DST: variants seen among roughly 807,000 people sequenced by gnomAD.
The protein encoded by DST is dystonin, also known as bullous pemphigoid antigen.
In DST, 253 loss-of-function variants were observed where a neutral mutation model predicts 875.2. That is an observed-to-expected ratio of 0.29 (90% CI 0.26 to 0.32). The LOEUF (loss-of-function observed/expected upper bound fraction) is 0.32, where lower values mean the gene tolerates loss of function less well. Among genes scored for constraint, DST ranks in the 10% least tolerant of loss-of-function variants. DST has a pLI of 1.00. For missense variants in DST, 8,287 were observed against 9,111.6 expected, an observed-to-expected ratio of 0.91 and a Z score of 3.68; for synonymous variants, 3,124 against 3,197.1, an observed-to-expected ratio of 0.98 and a Z score of 0.77.
chr6:56,781,229 T>A (rs2099693061), intron 4 of DST, among the ~76,000 whole-genome samples: 1 of 152,164 alleles, frequency 6.6e-6, no homozygotes, highest in Non-Finnish European at 1.5e-5. Flanking sequence ...CCATATGAAC[T>A]TTAAAGTAGT....
At chr6:56,711,984 G>GGGA (rs1184880235) in intron 5 of DST, among the ~76,000 whole-genome samples, 2 of 148,996 alleles carry the variant, frequency 1.3e-5, no homozygotes, top group Non-Finnish European at 3.0e-5. Context: ...CCAGCTACTC[G>GGGA]GGAGGCTGAG....
Position 56,954,666 on chromosome 6 carries a change from G to C in DST, c.-79C>G, listed in dbSNP as rs1048229564. ...GGCACCCGCGCTGGGCGCACGCCGG[G>C]ACGGCGGGCACGGGTGAGCGCGGCT... On this transcript the variant is annotated 5_prime_UTR_variant, in exon 1 of 104. Transcript: ENST00000680361. The C allele has an allele frequency of 2.9e-6, 3 of 1,030,956 alleles. No individual in the cohort carries two copies. Among genetic ancestry groups the C allele is most frequent in the Non-Finnish European group, 3.6e-6 (3 of 826,750 alleles). The allele number at this position is 1,030,956 out of a possible 1,614,324, so 63.9% of individuals were successfully genotyped here.
At chr6:56,614,881 A>G in intron 36 of DST, 1 of 993,674 alleles carries the variant, frequency 1.0e-6, no homozygotes, top group Non-Finnish European at 1.2e-6. Flanking sequence ...TCTACTGTAC[A>G]TGTAAGGAAA....
At chr6:56,486,880 G>C (rs112911491) in intron 87 of DST, among the ~76,000 whole-genome samples, 198 of 152,272 alleles carry the variant, frequency 1.3e-3, no homozygotes, top group African/African-American at 4.4e-3. Context: ...GATGGCAGAA[G>C]CTTGGACAAT....
intron 3 of DST, among the ~76,000 whole-genome samples, chr6:56,867,623 C>T (rs766039443): frequency 2.6e-5 from 4 of 152,158 alleles, no homozygotes; most frequent in Non-Finnish European, 5.9e-5. Context: ...AGATCAAGAC[C>T]ATCCTGGCCA....
intron 32 of DST, 38 bp downstream of exon 32, chr6:56,629,212 T>G (rs781256431): frequency 1.9e-6 from 3 of 1,601,924 alleles, no homozygotes; most frequent in Non-Finnish European, 2.6e-6. Context: ...AGATAGACAT[T>G]AAATCTGTGC....
chr6:56,652,853 CT>C (rs955541326), intron 10 of DST, among the ~76,000 whole-genome samples: 1 of 152,126 alleles, frequency 6.6e-6, no homozygotes, highest in African/African-American at 2.4e-5. Flanking sequence ...CCATTGACAA[CT>C]ATGGAAGTAA....
Position 56,825,502 on chromosome 6 carries a change from TAAAAAAAAAA to T in DST, c.625+25885_625+25894del, listed in dbSNP as rs749148452. Among the ~76,000 whole-genome samples, 239 of 109,326 alleles carry T rather than the reference TAAAAAAAAAA, an allele frequency of 2.2e-3. 1 individual carries two copies. The highest frequency in any genetic ancestry group is 7.4e-3 in the African/African-American group (201 of 27,250). 71.7% of individuals were successfully genotyped at this position (109,326 alleles called of 152,430 possible). On this transcript the variant is annotated intron_variant, in intron 4 of 103. Coordinates refer to ENST00000680361, the MANE Select transcript of DST (RefSeq NM_001374736.1). The stretch of plus-strand genomic sequence containing the variant: ...ACACCCAAGAATGATCAATAAATAC[TAAAAAAAAAA>T]AAAAAAAAAAAAAATTTCTGTAGTT...
At chr6:56,467,809 CA>C (rs1196174815) in intron 98 of DST, among the ~76,000 whole-genome samples, 1 of 152,126 alleles carries the variant, frequency 6.6e-6, no homozygotes, top group Non-Finnish European at 1.5e-5. Flanking sequence ...GTAACCAAAT[CA>C]CAAGACAAGA....
At chr6:56,700,687 C>A (rs2099297123) in intron 8 of DST, among the ~76,000 whole-genome samples, 1 of 152,062 alleles carries the variant, frequency 6.6e-6, no homozygotes, top group African/African-American at 2.4e-5. Context: ...ACTTCCTGGA[C>A]AAAATCATTT....
At chr6:56,741,722 A>C (rs2099547418) in intron 4 of DST, among the ~76,000 whole-genome samples, 2 of 152,206 alleles carry the variant, frequency 1.3e-5, no homozygotes, top group Admixed American at 1.3e-4. Flanking sequence ...TCAGTTAGAG[A>C]TGTCTAACAC....
Position 56,746,642 on chromosome 6 carries a change from A to G in DST, c.626-11353T>C, listed in dbSNP as rs769293111. On this transcript the variant is annotated intron_variant, in intron 4 of 103. Transcript: ENST00000680361. ...TCATCAGTAGAAGAGAGTGGAAGCTATAAGGAGAGAGGTTGGTAGATGGTG... is the reference window on the plus strand; with the variant it reads ...TCATCAGTAGAAGAGAGTGGAAGCTGTAAGGAGAGAGGTTGGTAGATGGTG... 3.9e-5 allele frequency among the ~76,000 whole-genome samples: 6 copies of G among 152,178 alleles called. No individual in the cohort carries two copies. The East Asian group carries it at 5.8e-4, about 15-fold the overall frequency.
intron 10 of DST, among the ~76,000 whole-genome samples, chr6:56,666,316 G>A (rs934055500): frequency 6.6e-6 from 1 of 151,996 alleles, no homozygotes; most frequent in African/African-American, 2.4e-5. Flanking sequence ...AAAATGTGAA[G>A]GATGCTATTG....
At chr6:56,564,563 T>C (rs757659370) in intron 55 of DST, among the ~76,000 whole-genome samples, 25 of 152,210 alleles carry the variant, frequency 1.6e-4, no homozygotes, top group Non-Finnish European at 3.4e-4. Flanking sequence ...ATATCCTTTA[T>C]TACTTTCTCT....
At chr6:56,487,042 C>CA (rs1477184676) in intron 87 of DST, 62 bp downstream of exon 87, 41 of 1,535,504 alleles carry the variant, frequency 2.7e-5, no homozygotes, top group Admixed American at 1.4e-4. Flanking sequence ...CCGCAAAGCA[C>CA]CATTACTGTG....
rs200128416 is a variant in DST at position 56,802,127 on chromosome 6, G to GT, written c.625+49269dup. Reference sequence around the variant, plus strand: ...ATATCTACTACCATTTCTATTTTTTGTTTTTTCATTCATCTATTTAATTTT... The same window carrying GT: ...ATATCTACTACCATTTCTATTTTTTGTTTTTTTCATTCATCTATTTAATTTT... On this transcript the variant is annotated intron_variant, in intron 4 of 103. Coordinates refer to ENST00000680361, the MANE Select transcript of DST (RefSeq NM_001374736.1). 1.1e-4 allele frequency among the ~76,000 whole-genome samples: 17 copies of GT among 151,932 alleles called. No homozygotes were observed. The East Asian group carries it at 3.3e-3, about 29-fold the overall frequency.
At chr6:56,882,697 T>C (rs186791891) in intron 3 of DST, among the ~76,000 whole-genome samples, 1 of 152,368 alleles carries the variant, frequency 6.6e-6, no homozygotes, top group Admixed American at 6.5e-5. Context: ...ATATCTTGCA[T>C]TTTAGCCATC....
intron 93 of DST, among the ~76,000 whole-genome samples, chr6:56,473,338 C>T (rs1023597161): frequency 6.6e-6 from 1 of 152,144 alleles, no homozygotes; most frequent in African/African-American, 2.4e-5. Flanking sequence ...ACATATAACA[C>T]AAATTGTGTT....
In DST at chr6:56,637,119, C is replaced by A. The variant is rs191293444; in HGVS notation, c.2965-467G>T. Among the ~76,000 whole-genome samples, 1,476 of 149,986 alleles carry A rather than the reference C, an allele frequency of 9.8e-3. 24 individuals are homozygous for A. Among genetic ancestry groups the A allele is most frequent in the African/African-American group, 0.035 (1,394 of 40,138 alleles). On this transcript the variant is annotated intron_variant, in intron 22 of 103. Coordinates refer to ENST00000680361, the MANE Select transcript of DST (RefSeq NM_001374736.1). ...AACAAACAAACAAACAAAAAAAAAA[C>A]AAGAAAATCAGGGCAGTAAAATTTT...
Sources: gnomAD v4.1 joint callset for allele counts (sites outside exome capture counted in the v4.1 genomes callset) on GRCh38, gnomAD v4.1.1 for gene constraint, MANE v1.5 for transcripts, NCBI Gene and HGNC (gene_info 2026-07-23, HGNC 2026-07-21) for gene names.